Variants in VPS13C observed in about 807,000 individuals in gnomAD.
The protein encoded by VPS13C is vacuolar protein sorting 13 homolog C.
In VPS13C, 358 loss-of-function variants were observed where a neutral mutation model predicts 456.8. The observed-to-expected ratio is 0.78, with a 90% confidence interval of 0.72 to 0.86. VPS13C has a LOEUF of 0.86. Ranked by LOEUF, VPS13C falls within the 40% of genes least tolerant of loss-of-function variation. The probability of loss-of-function intolerance (pLI) is 0.00; values close to 1 mark genes in which losing one functional copy is unlikely to be tolerated. For missense variants in VPS13C, 4,818 were observed against 4,385.4 expected (o/e 1.10, Z -2.79); for synonymous variants, 1,578 against 1,486.7 (o/e 1.06, Z -1.41).
chr15:61,936,657 C>T lies in VPS13C; in HGVS notation c.5695G>A (p.Val1899Met). ...ASSQPSPTQS[V>M]QETVRVRKVD... is the part of the protein sequence containing the mutation. ...TTTCTCACTCTTACAGTCTCCTGCACAGACTGTGTAGGGCTTGGTTGTGAG... is the reference window on the plus strand; with the variant it reads ...TTTCTCACTCTTACAGTCTCCTGCATAGACTGTGTAGGGCTTGGTTGTGAG... The change falls in exon 48 of 85, where the codon GTG becomes ATG. Residue 1899 changes from valine (V) to methionine (M), a missense_variant. Val to Met is a conservative substitution (Grantham distance 21). This residue lies in a region of VPS13C where 4,552 missense variants were observed against 4,130.6 expected (regional missense o/e 1.10). Transcript: ENST00000644861. The T allele has an allele frequency of 6.2e-7, 1 of 1,611,892 alleles. No homozygotes were observed. The highest frequency in any genetic ancestry group is 1.1e-5 in the South Asian group (1 of 90,438).
chr15:61,862,720 T>C (rs1300005933), intron 82 of VPS13C, among the ~76,000 whole-genome samples: 1 of 152,182 alleles, frequency 6.6e-6, no homozygotes, highest in Non-Finnish European at 1.5e-5. Context: ...ACATGAGGAT[T>C]CTGACATGAC....
intron 40 of VPS13C, 61 bp downstream of exon 40, chr15:61,950,884 T>C: frequency 1.3e-6 from 1 of 765,188 alleles, no homozygotes; most frequent in Non-Finnish European, 1.8e-6. Context: ...ATATTAAATA[T>C]AAGGGTAATA....
intron 16 of VPS13C, among the ~76,000 whole-genome samples, chr15:61,999,705 T>C (rs561699314): frequency 1.1e-4 from 16 of 152,134 alleles, no homozygotes; most frequent in South Asian, 6.2e-4. Context: ...TACAGAATCT[T>C]AGAAATGACA....
At chr15:61,996,500 A>G (rs1217546695) in intron 16 of VPS13C, among the ~76,000 whole-genome samples, 4 of 152,194 alleles carry the variant, frequency 2.6e-5, no homozygotes, top group Admixed American at 2.6e-4. Flanking sequence ...AAATGTAAAC[A>G]ATTCTCAAGG....
chr15:61,945,356 A>G (rs1362710161), intron 45 of VPS13C, among the ~76,000 whole-genome samples: 1 of 152,200 alleles, frequency 6.6e-6, no homozygotes, highest in African/African-American at 2.4e-5. Context: ...AAGTTCCAAT[A>G]TGAGTCCTCC....
intron 79 of VPS13C, among the ~76,000 whole-genome samples, chr15:61,870,744 C>T (rs1399890325): frequency 6.6e-6 from 1 of 152,056 alleles, no homozygotes; most frequent in Non-Finnish European, 1.5e-5. Flanking sequence ...TTTTACAGTC[C>T]CACTAGTAGT....
intron 61 of VPS13C, among the ~76,000 whole-genome samples, chr15:61,914,878 T>TTAAA (rs1455691773): frequency 3.9e-5 from 4 of 102,048 alleles, no homozygotes; most frequent in Admixed American, 1.1e-4. Flanking sequence ...AACTCTGCCT[T>TTAAA]AAAAAAAAAA....
intron 62 of VPS13C, 74 bp from the exon 63 acceptor site, chr15:61,912,078 A>G: frequency 8.1e-7 from 1 of 1,227,828 alleles, no homozygotes; most frequent in Non-Finnish European, 1.1e-6. Context: ...CCTCATTCAC[A>G]CACAAACTTC....
intron 81 of VPS13C, chr15:61,864,421 A>C: frequency 1.2e-6 from 1 of 869,304 alleles, no homozygotes; most frequent in Non-Finnish European, 1.4e-6. Flanking sequence ...ATGAAATACT[A>C]TTACTGACAT....
rs1465692331 is a variant in VPS13C at position 62,023,485 on chromosome 15, C to G, written c.550G>C (p.Glu184Gln). Reference protein sequence around the residue: ...PKEAKKDTFVEKLATQVIKNV... With the variant: ...PKEAKKDTFVQKLATQVIKNV... ...TTTATTACTTGAGTTGCCAATTTTT[C>G]CACAAATGTATCCTTTTTGGCTTCT... Residue 184 changes from glutamate to glutamine, a missense_variant, in exon 8 of 85, where the codon GAA (glutamate) becomes CAA (glutamine). Transcript: ENST00000644861. 1 of 1,583,136 alleles carries G rather than the reference C, an allele frequency of 6.3e-7. No homozygotes were observed. The highest frequency in any genetic ancestry group is 1.8e-5 in the Admixed American group (1 of 54,602).
At chr15:61,983,178 C>A (rs546413596) in intron 20 of VPS13C, among the ~76,000 whole-genome samples, 1 of 151,818 alleles carries the variant, frequency 6.6e-6, no homozygotes. Context: ...ATATGCTGTC[C>A]CCCCACCCAC....
chr15:61,884,235 T>C lies in VPS13C; in HGVS notation c.9376A>G (p.Lys3126Glu), dbSNP rs1234074419. The part of the protein sequence containing the change: ...GVVWEVKPKQ[K>E]WKPFSQKQII... ...TGCTTTTGACTAAATGGCTTCCATT[T>C]CTGCTTTGGTTTCACCTCCCAAACA... Residue 3126 changes from lysine (K) to glutamate (E), a missense_variant, in exon 68 of 85, where the codon AAA becomes GAA. This residue lies in a region of VPS13C where 4,552 missense variants were observed against 4,130.6 expected (regional missense o/e 1.10). Coordinates refer to ENST00000644861, the MANE Select transcript of VPS13C (RefSeq NM_020821.3). 1 of 1,610,774 alleles carries C rather than the reference T, an allele frequency of 6.2e-7. No homozygotes were observed. The highest frequency in any genetic ancestry group is 2.2e-5 in the East Asian group (1 of 44,666).
chr15:61,869,854 G>A (rs961311082), intron 79 of VPS13C, among the ~76,000 whole-genome samples: 4 of 152,240 alleles, frequency 2.6e-5, no homozygotes, highest in African/African-American at 9.6e-5. Context: ...CAGAAACTCT[G>A]GGGGCGGGGC....
intron 66 of VPS13C, among the ~76,000 whole-genome samples, chr15:61,896,580 G>A (rs914051174): frequency 7.9e-5 from 12 of 152,100 alleles, no homozygotes; most frequent in Admixed American, 2.6e-4. Context: ...ATTATATCCC[G>A]CACCTGGCTC....
intron 71 of VPS13C, 144 bp downstream of exon 71, chr15:61,881,419 G>C: frequency 7.9e-6 from 6 of 761,780 alleles, no homozygotes; most frequent in Non-Finnish European, 1.2e-5. Context: ...AAGCATAAAA[G>C]ATTACTTGAC....
At chr15:61,919,520 T>G in intron 57 of VPS13C, 71 bp from the exon 58 acceptor site, 1 of 1,348,300 alleles carries the variant, frequency 7.4e-7, no homozygotes, top group South Asian at 2.0e-5. Flanking sequence ...CAATCATTAG[T>G]ACCTCAAAAT....
In VPS13C at chr15:62,060,312, G is replaced by T. The variant is rs762630528; in HGVS notation, c.63C>A (p.Asn21Lys). 13 of 1,607,794 alleles carry T rather than the reference G, an allele frequency of 8.1e-6. No homozygotes were observed. Among genetic ancestry groups the T allele is most frequent in the Non-Finnish European group, 1.1e-5 (13 of 1,177,636 alleles). Residue 21 changes from asparagine (N) to lysine (K), a missense_variant, in exon 1 of 85, where the codon AAC becomes AAA. This residue lies in a region of VPS13C where 4,552 missense variants were observed against 4,130.6 expected (regional missense o/e 1.10). Transcript: ENST00000644861. ...CCAGCTTCAGCTGGGACTTGTTCAG[G>T]TTCTCCACATAGTCCCCCAGGAAGC... ...LNRFLGDYVE[N>K]LNKSQLKLGI...
rs1555449500 is a variant in VPS13C at position 62,037,240 on chromosome 15, A to ATAT, written c.188-2191_188-2189dup. On this transcript the variant is annotated intron_variant, in intron 3 of 84. Coordinates refer to ENST00000644861, the MANE Select transcript of VPS13C (RefSeq NM_020821.3). ...ATTATATAATATATTATATATAAAT[A>ATAT]TATATAATATATTTATATATATTAT... 1.2e-3 allele frequency among the ~76,000 whole-genome samples: 92 copies of ATAT among 77,812 alleles called. 1 individual carries two copies. The highest frequency in any genetic ancestry group is 4.0e-3 in the African/African-American group (71 of 17,894). 51.0% of individuals were successfully genotyped at this position (77,812 alleles called of 152,430 possible).
intron 16 of VPS13C, among the ~76,000 whole-genome samples, chr15:61,997,828 CCCT>C (rs1488002963): frequency 6.6e-6 from 1 of 151,864 alleles, no homozygotes; most frequent in Non-Finnish European, 1.5e-5. Context: ...TAACTGCTCC[CCCT>C]GTCTTCACTC....
Sources: gnomAD v4.1 joint callset for allele counts (sites outside exome capture counted in the v4.1 genomes callset) on GRCh38, gnomAD v4.1.1 for gene constraint, gnomAD v4.1.1 regional missense constraint, MANE v1.5 for transcripts, NCBI Gene and HGNC (gene_info 2026-07-23, HGNC 2026-07-21) for gene names.